PCDHGB5: variants seen among roughly 807,000 people sequenced by gnomAD.
PCDHGB5 encodes the protein protocadherin gamma-B5.
A neutral mutation model predicts 62.9 loss-of-function variants in PCDHGB5; 48 were observed. The observed-to-expected ratio is 0.76, with a 90% CI of 0.61 to 0.97. The LOEUF is 0.97. Ranked by LOEUF, PCDHGB5 falls within the 50% of genes least tolerant of loss-of-function variation. The probability of loss-of-function intolerance (pLI) is 0.00; values close to 1 mark genes in which losing one functional copy is unlikely to be tolerated. For missense variants in PCDHGB5, 1,118 were observed against 1,198.6 expected, an observed-to-expected ratio of 0.93 and a Z score of 0.99; for synonymous variants, 474 against 511.2, an observed-to-expected ratio of 0.93 and a Z score of 0.98.
intron 1 of PCDHGB5, chr5:141,428,009 A>G (rs778602169): frequency 3.7e-6 from 6 of 1,602,358 alleles, no homozygotes; most frequent in African/African-American, 2.7e-5. Context: ...TCTTCGATAT[A>G]GTGCCACGCG....
chr5:141,439,441 T>C (rs2098112892), intron 1 of PCDHGB5, among the ~76,000 whole-genome samples: 2 of 152,348 alleles, frequency 1.3e-5, no homozygotes, highest in South Asian at 4.1e-4. Context: ...GAATATTTTA[T>C]TGCGGGAGCA....
chr5:141,453,050 C>A (rs2098754757), intron 1 of PCDHGB5, among the ~76,000 whole-genome samples: 3 of 152,006 alleles, frequency 2.0e-5, no homozygotes, highest in Non-Finnish European at 4.4e-5. Context: ...CTATTATGTG[C>A]AGTTTTAGAG....
chr5:141,436,277 T>G (rs2097806022), intron 1 of PCDHGB5, among the ~76,000 whole-genome samples: 1 of 152,194 alleles, frequency 6.6e-6, no homozygotes, highest in Non-Finnish European at 1.5e-5. Flanking sequence ...TAACTTGATT[T>G]AGGAACAAAT....
intron 1 of PCDHGB5, chr5:141,405,210 A>G (rs752645800): frequency 1.2e-6 from 2 of 1,613,994 alleles, no homozygotes; most frequent in South Asian, 1.1e-5. Context: ...CTACAGACCT[A>G]TTCTCAGGAG....
intron 1 of PCDHGB5, among the ~76,000 whole-genome samples, chr5:141,488,635 C>T (rs1476156734): frequency 6.6e-6 from 1 of 152,152 alleles, no homozygotes; most frequent in Non-Finnish European, 1.5e-5. Flanking sequence ...ACCTTAGCAG[C>T]ATTCAGCAGG....
At chr5:141,413,056 T>A in intron 1 of PCDHGB5, 1 of 1,030,200 alleles carries the variant, frequency 9.7e-7, no homozygotes, top group East Asian at 2.6e-5. Flanking sequence ...GGAAGCTCAC[T>A]CCAGAATTTA....
At chr5:141,458,735 A>G (rs2098952642) in intron 1 of PCDHGB5, among the ~76,000 whole-genome samples, 1 of 148,560 alleles carries the variant, frequency 6.7e-6, no homozygotes, top group East Asian at 2.0e-4. Context: ...ACATCCAGCT[A>G]TTGGTTTTGG....
chr5:141,487,802 C>T lies in PCDHGB5; in HGVS notation c.2398-7005C>T, dbSNP rs765438219. The T allele has an allele frequency of 9.5e-6, 14 of 1,477,306 alleles. No individual in the cohort carries two copies. The South Asian group carries it at 1.7e-4, about 18-fold the overall frequency. 91.5% of individuals were successfully genotyped at this position (1,477,306 alleles called of 1,614,324 possible). A position where few individuals can be genotyped will look rare whatever the true frequency, so the allele number is the denominator to read the frequency against. ...TTTCGTGAATTAACCAGAGTTGTCACAGTTTAGCATTGGGGGCGGGTCATG... is the reference window on the plus strand; with the variant it reads ...TTTCGTGAATTAACCAGAGTTGTCATAGTTTAGCATTGGGGGCGGGTCATG... On this transcript the variant is annotated intron_variant, in intron 1 of 3. Transcript: ENST00000617380. The surrounding 1 kb of genome is among the most constrained non-coding windows in gnomAD (Gnocchi z 5.0).
At chr5:141,443,728 C>T (rs1434984241) in intron 1 of PCDHGB5, among the ~76,000 whole-genome samples, 1 of 152,060 alleles carries the variant, frequency 6.6e-6, no homozygotes, top group Admixed American at 6.5e-5. Flanking sequence ...ATTCCTCATA[C>T]ATTTCCCTAT....
At chr5:141,480,240 CAA>C (rs11374694) in intron 1 of PCDHGB5, among the ~76,000 whole-genome samples, 8 of 114,006 alleles carry the variant, frequency 7.0e-5, no homozygotes, top group Non-Finnish European at 7.5e-5. Flanking sequence ...CCTGTCTCTA[CAA>C]AAAAAAAAAA....
chr5:141,418,363 C>G (rs147423305), intron 1 of PCDHGB5: 1 of 1,613,866 alleles, frequency 6.2e-7, no homozygotes, highest in Non-Finnish European at 8.5e-7. Context: ...ATTCGCTGAG[C>G]AAATACCAAC....
At chr5:141,484,311 C>T (rs1234690996) in intron 1 of PCDHGB5, among the ~76,000 whole-genome samples, 2 of 152,196 alleles carry the variant, frequency 1.3e-5, no homozygotes, top group African/African-American at 4.8e-5. Flanking sequence ...CTCCACCCCG[C>T]TTCCATACTG....
At chr5:141,421,841 AAG>A in intron 1 of PCDHGB5, 1 of 1,613,750 alleles carries the variant, frequency 6.2e-7, no homozygotes. Context: ...GACCGAGAGA[AAG>A]AGGCTGCTCA....
In PCDHGB5 at chr5:141,505,470, C is replaced by G; in HGVS notation, c.2534C>G (p.Ala845Gly). 6.2e-7 allele frequency: 1 copy of G among 1,614,186 alleles called. No individual in the cohort carries two copies. Among genetic ancestry groups the G allele is most frequent in the Non-Finnish European group, 8.5e-7 (1 of 1,180,002 alleles). Residue 845 changes from alanine to glycine, a missense_variant, in exon 3 of 4, where the codon GCG (alanine) becomes GGG (glycine). Ala to Gly is a moderately conservative substitution (Grantham distance 60). Transcript: ENST00000617380. ...GAGATGCTGCAAGCCATGATCTTGG[C>G]GTCCGCCAGTGGTAAGTGGTGTCAG... The part of the protein sequence containing the change: ...DTEMLQAMIL[A>G]SASEAADGSS...
At chr5:141,488,042 G>T (rs2099670966) in intron 1 of PCDHGB5, among the ~76,000 whole-genome samples, 1 of 152,168 alleles carries the variant, frequency 6.6e-6, no homozygotes, top group Non-Finnish European at 1.5e-5. Context: ...TTTCCCAAGG[G>T]ATTGAGGGGA....
chr5:141,413,288 C>T (rs2095623576), intron 1 of PCDHGB5: 2 of 1,613,950 alleles, frequency 1.2e-6, no homozygotes, highest in East Asian at 4.5e-5. Flanking sequence ...ATCTCCTACT[C>T]AATTCCTGAG....
In PCDHGB5 at chr5:141,489,633, T is replaced by C. The variant is rs1298084961; in HGVS notation, c.2398-5174T>C. On this transcript the variant is annotated intron_variant, in intron 1 of 3. Coordinates refer to ENST00000617380, the MANE Select transcript of PCDHGB5 (RefSeq NM_018925.3). The surrounding 1 kb of genome is among the most constrained non-coding windows in gnomAD (Gnocchi z 4.5). ...TCCTGGATCTCAATGACAACTCTCC[T>C]AGCTTTGCCACCCCTGAGCGAGAGA... The C allele has an allele frequency of 6.2e-7, 1 of 1,614,160 alleles. No individual in the cohort carries two copies. Among genetic ancestry groups the C allele is most frequent in the South Asian group, 1.1e-5 (1 of 91,086 alleles).
intron 1 of PCDHGB5, among the ~76,000 whole-genome samples, chr5:141,405,668 G>A (rs1468042334): frequency 6.6e-6 from 1 of 152,100 alleles, no homozygotes; most frequent in Non-Finnish European, 1.5e-5. Context: ...AGTAGAGACG[G>A]GGTGTCACCA....
At chr5:141,417,943 G>A (rs772925118) in intron 1 of PCDHGB5, 2 of 1,613,194 alleles carry the variant, frequency 1.2e-6, no homozygotes, top group Admixed American at 1.7e-5. Flanking sequence ...TCTACCCCAC[G>A]CTGTGTGAGC....
Sources: allele counts gnomAD v4.1 joint callset (sites outside exome capture counted in the v4.1 genomes callset), GRCh38; gene constraint gnomAD v4.1.1; non-coding constraint Gnocchi (gnomAD v3.1); transcripts MANE v1.5; gene names NCBI Gene and HGNC (gene_info 2026-07-23, HGNC 2026-07-21).